SLC20A2: variants seen among roughly 807,000 people sequenced by gnomAD.
The protein encoded by SLC20A2 is solute carrier family 20 member 2.
SLC20A2 carries 30 observed loss-of-function variants against 61.0 expected under a neutral mutation model. The observed-to-expected ratio is 0.49, with a 90% confidence interval of 0.37 to 0.67. The LOEUF (loss-of-function observed/expected upper bound fraction) is 0.67, where lower values mean the gene tolerates loss of function less well. Among genes scored for constraint, SLC20A2 ranks in the 30% least tolerant of loss-of-function variants. The probability of loss-of-function intolerance (pLI) is 0.00; values close to 1 mark genes in which losing one functional copy is unlikely to be tolerated. For synonymous variants in SLC20A2, 351 were observed against 353.3 expected, an observed-to-expected ratio of 0.99 and a Z score of 0.07; for missense variants, 626 against 866.4, an observed-to-expected ratio of 0.72 and a Z score of 3.48.
At chr8:42,429,623 C>T (rs929388595) in intron 9 of SLC20A2, among the ~76,000 whole-genome samples, 15 of 152,300 alleles carry the variant, frequency 9.8e-5, no homozygotes, top group African/African-American at 2.2e-4. Context: ...TGGCAGGGGG[C>T]GCCTCCCTGT....
At chr8:42,491,030 A>G (rs1035001164) in intron 1 of SLC20A2, among the ~76,000 whole-genome samples, 2 of 152,216 alleles carry the variant, frequency 1.3e-5, no homozygotes, top group Non-Finnish European at 2.9e-5. Flanking sequence ...TAAACAAAAA[A>G]AAGACAAAAA....
chr8:42,519,695 G>C (rs1811527813), intron 1 of SLC20A2, among the ~76,000 whole-genome samples: 1 of 152,068 alleles, frequency 6.6e-6, no homozygotes. Context: ...AAAACCTATG[G>C]ACCAGCCCCT....
At chr8:42,518,652 CAAAGT>C (rs1811466907) in intron 1 of SLC20A2, among the ~76,000 whole-genome samples, 1 of 152,088 alleles carries the variant, frequency 6.6e-6, no homozygotes, top group Admixed American at 6.6e-5. Context: ...AATAGTTTTA[CAAAGT>C]AAAGAATTAA....
chr8:42,504,041 G>T (rs1300186244), upstream of SLC20A2, among the ~76,000 whole-genome samples: 1 of 152,172 alleles, frequency 6.6e-6, no homozygotes, highest in Admixed American at 6.5e-5. Context: ...CTGAGCTCAA[G>T]CAATCCACCC....
chr8:42,485,812 G>A (rs1000937096), intron 1 of SLC20A2, among the ~76,000 whole-genome samples: 1 of 151,718 alleles, frequency 6.6e-6, no homozygotes, highest in Non-Finnish European at 1.5e-5. Flanking sequence ...TGGGCATGGT[G>A]GCGCATGCCT....
intron 8 of SLC20A2, among the ~76,000 whole-genome samples, chr8:42,435,752 G>A (rs1360491749): frequency 2.6e-5 from 4 of 152,146 alleles, no homozygotes; most frequent in South Asian, 2.1e-4. Flanking sequence ...CAGCTCCAGC[G>A]GCTGCATCGT....
chr8:42,513,015 T>C (rs1040768676), intron 1 of SLC20A2, among the ~76,000 whole-genome samples: 1 of 152,228 alleles, frequency 6.6e-6, no homozygotes, highest in Non-Finnish European at 1.5e-5. Flanking sequence ...TGAGATCATT[T>C]ACTAAAGTAA....
intron 5 of SLC20A2, among the ~76,000 whole-genome samples, chr8:42,454,223 C>T (rs1057192728): frequency 9.9e-5 from 15 of 152,154 alleles, no homozygotes; most frequent in Non-Finnish European, 2.1e-4. Flanking sequence ...AGGATGGTCT[C>T]GATCTCCTGA....
upstream of SLC20A2, among the ~76,000 whole-genome samples, chr8:42,504,963 TCA>T (rs768237894): frequency 8.8e-5 from 13 of 147,798 alleles, no homozygotes; most frequent in Non-Finnish European, 1.8e-4. Flanking sequence ...TCCAGGGAGT[TCA>T]CATTTTAGTG....
intron 5 of SLC20A2, among the ~76,000 whole-genome samples, chr8:42,451,890 AGAGGAAGAGGAAGAGATGGAG>A (rs1805706193): frequency 7.4e-6 from 1 of 135,198 alleles, no homozygotes; most frequent in Non-Finnish European, 1.6e-5. Flanking sequence ...GAAGAGATGA[AGAGGAAGAGGAAGAGATGGAG>A]GAGGAGGAGG....
At chr8:42,519,607 T>A (rs1216097364) in intron 1 of SLC20A2, among the ~76,000 whole-genome samples, 1 of 152,188 alleles carries the variant, frequency 6.6e-6, no homozygotes, top group African/African-American at 2.4e-5. Context: ...CTCTTTTCCT[T>A]CTCTTTTTCT....
Position 42,464,283 on chromosome 8 carries a change from CT to C in SLC20A2, c.431-1194del, listed in dbSNP as rs1190927976. Among the ~76,000 whole-genome samples the C allele has an allele frequency of 4.7e-3, 605 of 128,512 alleles. 4 individuals are homozygous for C. Among genetic ancestry groups the C allele is most frequent in the Middle Eastern group, 0.012 (3 of 244 alleles). The allele number at this position is 128,512 out of a possible 152,430, so 84.3% of individuals were successfully genotyped here. On this transcript the variant is annotated intron_variant, in intron 3 of 10. Coordinates refer to ENST00000520262, the MANE Select transcript of SLC20A2 (RefSeq NM_001257180.2). ...CCATCACACCAGGCTAATTTTCTTTCTTTTTTTTTTTTTTTTGTTGTAAAGA... is the reference window on the plus strand; with the variant it reads ...CCATCACACCAGGCTAATTTTCTTTCTTTTTTTTTTTTTTTGTTGTAAAGA...
At position 42,438,060 on chromosome 8, in the gene SLC20A2, AACC is replaced by A. The variant is rs1231435230; in HGVS notation, c.935-486_935-484del. Among the ~76,000 whole-genome samples, 250 of 130,776 alleles carry A rather than the reference AACC, an allele frequency of 1.9e-3. 14 individuals carry two copies. The highest frequency in any genetic ancestry group is 7.4e-3 in the African/African-American group (236 of 31,770). 85.8% of individuals were successfully genotyped at this position (130,776 alleles called of 152,430 possible). A position where few individuals can be genotyped will look rare whatever the true frequency, so the allele number is the denominator to read the frequency against. On this transcript the variant is annotated intron_variant, in intron 7 of 10. Coordinates refer to ENST00000520262, the MANE Select transcript of SLC20A2 (RefSeq NM_001257180.2). ...TAATATGGTTACCACTAAAAAAAAAAACCAAAAAAAAAAAAAAAAAAAAAAAAA... is the reference window on the plus strand; with the variant it reads ...TAATATGGTTACCACTAAAAAAAAAAAAAAAAAAAAAAAAAAAAAAAAAAA...
In SLC20A2 at chr8:42,484,889, C is replaced by T. The variant is rs960041587; in HGVS notation, c.-264-12235G>A. The T allele has an allele frequency of 1.5e-5, 6 of 405,852 alleles. No individual in the cohort carries two copies. In the East Asian group the frequency reaches 4.6e-4, roughly 31 times the overall value. 25.1% of individuals were successfully genotyped at this position (405,852 alleles called of 1,614,324 possible). ...TACACGCAGCCACTGAGCATCTCGG[C>T]CATGCAGCTGGCCCTGAGACAGCAG... On this transcript the variant is annotated intron_variant, in intron 1 of 10. Transcript: ENST00000520262.
chr8:42,503,077 G>A (rs761709002), upstream of SLC20A2, among the ~76,000 whole-genome samples: 11 of 152,178 alleles, frequency 7.2e-5, no homozygotes, highest in Admixed American at 3.9e-4. Context: ...GCAATGCTCC[G>A]GTTCCTCACA....
chr8:42,541,717 C>T (rs1258834558), intron 1 of SLC20A2: 2 of 149,272 alleles, frequency 1.3e-5, no homozygotes, highest in Admixed American at 6.6e-5. Flanking sequence ...TGAGTGGCCC[C>T]GCGTCCCCGC....
chr8:42,534,759 A>C (rs1038602134), intron 1 of SLC20A2: 10 of 152,228 alleles, frequency 6.6e-5, no homozygotes, highest in African/African-American at 2.4e-4. Context: ...GCACATCACT[A>C]TGAAAAAGCA....
chr8:42,512,519 A>G (rs1811090021), intron 1 of SLC20A2, among the ~76,000 whole-genome samples: 1 of 151,832 alleles, frequency 6.6e-6, no homozygotes, highest in Admixed American at 6.6e-5. Flanking sequence ...CCCAGCTAAT[A>G]TTTGTATTTT....
chr8:42,421,395 G>GT lies in SLC20A2; in HGVS notation c.1795-3429dup, dbSNP rs201195486. Reference sequence around the variant, plus strand: ...TATTTTTGCTGCAATTATGGTGGCAGTTTTTTTCCCTCCCGTTACATTTTC... The same window carrying GT: ...TATTTTTGCTGCAATTATGGTGGCAGTTTTTTTTCCCTCCCGTTACATTTTC... On this transcript the variant is annotated intron_variant, in intron 10 of 10. Transcript: ENST00000520262. Among the ~76,000 whole-genome samples, 367 of 152,242 alleles carry GT rather than the reference G, an allele frequency of 2.4e-3. 1 individual carries two copies. The highest frequency in any genetic ancestry group is 8.4e-3 in the African/African-American group (347 of 41,552).
Sources: allele counts gnomAD v4.1 joint callset (sites outside exome capture counted in the v4.1 genomes callset), GRCh38; gene constraint gnomAD v4.1.1; transcripts MANE v1.5; gene names NCBI Gene and HGNC (gene_info 2026-07-23, HGNC 2026-07-21).